Variants in SEMA3E observed in about 807,000 individuals in gnomAD.
The protein encoded by SEMA3E is semaphorin-3E.
Under a neutral mutation model 93.6 loss-of-function variants are expected in SEMA3E, and 49 were observed. That is an observed-to-expected ratio of 0.52 (90% CI 0.42 to 0.66). SEMA3E has a LOEUF of 0.66. Ranked by LOEUF, SEMA3E falls within the 30% of genes least tolerant of loss-of-function variation. The pLI is 0.00. For missense variants in SEMA3E, 906 were observed against 964.8 expected, an observed-to-expected ratio of 0.94 and a Z score of 0.81; for synonymous variants, 363 against 330.7, an observed-to-expected ratio of 1.10 and a Z score of -1.06.
At chr7:83,598,588 G>A (rs1486141920) in intron 1 of SEMA3E, among the ~76,000 whole-genome samples, 10 of 152,184 alleles carry the variant, frequency 6.6e-5, no homozygotes, top group Non-Finnish European at 1.5e-4. Context: ...ACAGGCTAGA[G>A]TCCTCCCTTT....
chr7:83,395,380 T>C (rs1427532428), intron 12 of SEMA3E, among the ~76,000 whole-genome samples: 1 of 152,170 alleles, frequency 6.6e-6, no homozygotes, highest in Admixed American at 6.5e-5. Context: ...TTTTCACATC[T>C]ACCCATCATA....
chr7:83,495,866 A>T (rs1790480505), intron 1 of SEMA3E, among the ~76,000 whole-genome samples: 1 of 151,990 alleles, frequency 6.6e-6, no homozygotes, highest in Admixed American at 6.6e-5. Flanking sequence ...AATTTTCTCC[A>T]GTGAACATGT....
chr7:83,392,808 C>G (rs1227054681), intron 13 of SEMA3E, 87 bp from the exon 14 acceptor site: 7 of 1,253,898 alleles, frequency 5.6e-6, no homozygotes, highest in Non-Finnish European at 7.0e-6. Context: ...TATACACAAT[C>G]ACCTCAGAAA....
chr7:83,451,281 T>C (rs1375320292), intron 4 of SEMA3E, among the ~76,000 whole-genome samples: 1 of 152,176 alleles, frequency 6.6e-6, no homozygotes, highest in East Asian at 1.9e-4. Flanking sequence ...AACAGACTAA[T>C]ACAGGGGGAC....
intron 1 of SEMA3E, among the ~76,000 whole-genome samples, chr7:83,578,304 C>T (rs1227678784): frequency 6.6e-6 from 1 of 152,088 alleles, no homozygotes; most frequent in Non-Finnish European, 1.5e-5. Context: ...ATAGAATCCT[C>T]CCAGCACTTT....
At chr7:83,463,847 A>G (rs1562793716) in intron 4 of SEMA3E, among the ~76,000 whole-genome samples, 1 of 152,050 alleles carries the variant, frequency 6.6e-6, no homozygotes. Flanking sequence ...TTCCCTACAC[A>G]TCAAGCTCGA....
intron 8 of SEMA3E, 75 bp downstream of exon 8, chr7:83,405,870 T>C: frequency 3.6e-6 from 4 of 1,111,392 alleles, no homozygotes; most frequent in Non-Finnish European, 5.5e-6. Flanking sequence ...AGCAAGTTTC[T>C]ATGTGTCCTA....
intron 4 of SEMA3E, among the ~76,000 whole-genome samples, chr7:83,445,442 G>A (rs1410606130): frequency 2.0e-5 from 3 of 152,272 alleles, no homozygotes; most frequent in East Asian, 3.9e-4. Flanking sequence ...GTGGGGCCGG[G>A]CACGGTGGCT....
intron 1 of SEMA3E, among the ~76,000 whole-genome samples, chr7:83,647,385 G>T (rs937114451): frequency 1.3e-5 from 2 of 152,048 alleles, no homozygotes; most frequent in Non-Finnish European, 2.9e-5. Flanking sequence ...TACAGTGGGG[G>T]ACAATTTAAA....
chr7:83,409,502 A>C (rs1372452518), intron 5 of SEMA3E, among the ~76,000 whole-genome samples: 2 of 152,172 alleles, frequency 1.3e-5, no homozygotes, highest in Non-Finnish European at 2.9e-5. Flanking sequence ...AGTGGCATAT[A>C]ACATTGGTCT....
chr7:83,610,913 A>T (rs1379142298), intron 1 of SEMA3E, among the ~76,000 whole-genome samples: 1 of 152,098 alleles, frequency 6.6e-6, no homozygotes, highest in African/African-American at 2.4e-5. Context: ...TGGTTATGGC[A>T]GACCTAGCAA....
chr7:83,526,199 C>A (rs1210670727), intron 1 of SEMA3E, among the ~76,000 whole-genome samples: 2 of 152,034 alleles, frequency 1.3e-5, no homozygotes, highest in Non-Finnish European at 2.9e-5. Context: ...TGTGGTGGTA[C>A]AATTTACACC....
chr7:83,471,583 C>T (rs2722987), intron 2 of SEMA3E, among the ~76,000 whole-genome samples: 104,012 of 151,558 alleles, frequency 0.69, 37,170 homozygotes, highest in Non-Finnish European at 0.79. Flanking sequence ...ACCTCATGTA[C>T]AAAACTCAAA....
chr7:83,398,165 G>C (rs1788162196), intron 11 of SEMA3E, among the ~76,000 whole-genome samples: 1 of 136,454 alleles, frequency 7.3e-6, no homozygotes, highest in Non-Finnish European at 1.5e-5. Flanking sequence ...CTTAAGCATG[G>C]TGTATATGGC....
intron 1 of SEMA3E, among the ~76,000 whole-genome samples, chr7:83,593,469 T>G (rs573283765): frequency 6.6e-6 from 1 of 152,002 alleles, no homozygotes; most frequent in South Asian, 2.1e-4. Context: ...TAGCTACAAT[T>G]TAAAACAATA....
intron 1 of SEMA3E, among the ~76,000 whole-genome samples, chr7:83,640,100 G>C (rs1451047049): frequency 6.6e-6 from 1 of 152,046 alleles, no homozygotes; most frequent in East Asian, 1.9e-4. Flanking sequence ...AAGTCAGGAG[G>C]GAAAGAGTCA....
chr7:83,367,783 T>C lies in SEMA3E; in HGVS notation c.2131A>G (p.Lys711Glu). The stretch of plus-strand genomic sequence containing the variant: ...TAACCGATCAGCTGCAAGAATTCCT[T>C]GTACCATGGTTTTGCTCCCTGCGAG... ...SISQGAKPWYKEFLQLIGYSN... is the reference protein window; with the variant it reads ...SISQGAKPWYEEFLQLIGYSN... The change falls in exon 17 of 17, where the codon AAG (lysine) becomes GAG (glutamate). Residue 711 changes from lysine to glutamate, a missense_variant. By Grantham distance (56) the Lys-to-Glu change is moderately conservative. Coordinates refer to ENST00000643230, the MANE Select transcript of SEMA3E (RefSeq NM_012431.3). The C allele has an allele frequency of 6.2e-7, 1 of 1,614,160 alleles. No homozygotes were observed. Among genetic ancestry groups the C allele is most frequent in the Non-Finnish European group, 8.5e-7 (1 of 1,180,020 alleles).
intron 1 of SEMA3E, among the ~76,000 whole-genome samples, chr7:83,624,797 C>A (rs377114854): frequency 1.3e-5 from 2 of 152,228 alleles, no homozygotes. Context: ...GAAGTCTTTG[C>A]CCATGCCTGT....
At position 83,451,355 on chromosome 7, in the gene SEMA3E, A is replaced by G. The variant is rs138634106; in HGVS notation, c.456+15127T>C. 1.9e-3 allele frequency among the ~76,000 whole-genome samples: 284 copies of G among 152,296 alleles called. 2 individuals are homozygous for G. Among genetic ancestry groups the G allele is most frequent in the African/African-American group, 6.7e-3 (277 of 41,562 alleles). Reference sequence around the variant, plus strand: ...CAAAAAAGTGTTTAAAAAAACAAAAATTCACCAAATTTAACTAAATCTTTT... The same window carrying G: ...CAAAAAAGTGTTTAAAAAAACAAAAGTTCACCAAATTTAACTAAATCTTTT... On this transcript the variant is annotated intron_variant, in intron 4 of 16. Transcript: ENST00000643230.
Sources: gnomAD v4.1 joint callset for allele counts (sites outside exome capture counted in the v4.1 genomes callset) on GRCh38, gnomAD v4.1.1 for gene constraint, MANE v1.5 for transcripts, NCBI Gene and HGNC (gene_info 2026-07-23, HGNC 2026-07-21) for gene names.